ETV3L: variants seen among roughly 807,000 people sequenced by gnomAD.
ETV3L encodes ETS variant transcription factor 3 like.
ETV3L carries 30 observed loss-of-function variants against 27.6 expected under a neutral mutation model. The ratio of observed to expected loss-of-function variants is 1.09; its 90% CI spans 0.81 to 1.48. ETV3L has a LOEUF of 1.48. Ranked by LOEUF, ETV3L falls within the 40% of genes most tolerant of loss-of-function variation. The pLI, the probability that ETV3L is intolerant of heterozygous loss-of-function variation, is 0.00. For synonymous variants in ETV3L, 186 were observed against 188.9 expected, an observed-to-expected ratio of 0.98 and a Z score of 0.12; for missense variants, 443 against 455.6, an observed-to-expected ratio of 0.97 and a Z score of 0.25.
chr1:157,098,916 A>G (rs1423897820), intron 2 of ETV3L, 21 bp from the exon 3 acceptor site: 1 of 1,598,214 alleles, frequency 6.3e-7, no homozygotes, highest in Non-Finnish European at 8.5e-7. Flanking sequence ...CGAAGTTGAG[A>G]ATAGAGTTGG....
intron 4 of ETV3L, among the ~76,000 whole-genome samples, chr1:157,095,391 G>A (rs1674199666): frequency 6.6e-6 from 1 of 152,094 alleles, no homozygotes; most frequent in African/African-American, 2.4e-5. Flanking sequence ...GGGGCATGTG[G>A]CTGCTTCCAA....
rs1674306522 is a variant in ETV3L at position 157,099,757 on chromosome 1, C to T, written c.-234G>A. ...GGCAGCAAGCTTCCCCATACCCAGACAGGGCCCAGCCCCCTCTGGGGACCT... is the reference window on the plus strand; with the variant it reads ...GGCAGCAAGCTTCCCCATACCCAGATAGGGCCCAGCCCCCTCTGGGGACCT... On this transcript the variant is annotated 5_prime_UTR_variant, in exon 1 of 5. Transcript: ENST00000454449. 1 of 595,386 alleles carries T rather than the reference C, an allele frequency of 1.7e-6. No individual in the cohort carries two copies. Among genetic ancestry groups the T allele is most frequent in the African/African-American group, 1.9e-5 (1 of 53,768 alleles). 36.9% of individuals were successfully genotyped at this position (595,386 alleles called of 1,614,324 possible).
At chr1:157,095,882 C>T (rs1674209409) in intron 4 of ETV3L, among the ~76,000 whole-genome samples, 3 of 152,312 alleles carry the variant, frequency 2.0e-5, no homozygotes, top group Admixed American at 6.5e-5. Flanking sequence ...AGGGGCAATT[C>T]TTTGACCTCT....
rs746184380 is a variant in ETV3L, at chr1:157,092,865, T to C, written c.870A>G (p.Ala290=). Residue 290 remains alanine, a synonymous_variant, in exon 5 of 5, where the codon GCA becomes GCG. Transcript: ENST00000454449. ...TCTCACCCGCACCCTGTCCCAGCCC[T>C]GCCAAGAGAGGAAGCCCTGGAAAAT... The part of the protein sequence containing the change: ...AWHFPGLPLL[A]GLGQGAGERL... 5.0e-6 allele frequency: 8 copies of C among 1,613,902 alleles called. No homozygotes were observed. In the Admixed American group the frequency reaches 1.2e-4, roughly 24 times the overall value.
chr1:157,097,111 C>T (rs538670707), intron 4 of ETV3L, among the ~76,000 whole-genome samples: 2 of 151,964 alleles, frequency 1.3e-5, no homozygotes, highest in Non-Finnish European at 2.9e-5. Flanking sequence ...GCAAGACTTG[C>T]TCTCCAACAG....
intron 4 of ETV3L, among the ~76,000 whole-genome samples, chr1:157,094,645 G>A (rs1312968650): frequency 6.6e-6 from 1 of 152,216 alleles, no homozygotes; most frequent in African/African-American, 2.4e-5. Flanking sequence ...AGGTGTGGTG[G>A]CTCACGCTTG....
intron 4 of ETV3L, among the ~76,000 whole-genome samples, chr1:157,097,470 CA>C (rs150226645): frequency 0.41 from 42,192 of 102,060 alleles, 6,545 homozygotes; most frequent in South Asian, 0.53. Flanking sequence ...GACTCCGTCT[CA>C]AAAAAAAAAA....
At chr1:157,095,547 C>CT (rs111798352) in intron 4 of ETV3L, among the ~76,000 whole-genome samples, 10,695 of 143,284 alleles carry the variant, frequency 0.075, 573 homozygotes, top group East Asian at 0.24. Flanking sequence ...TTCTTTCTTT[C>CT]TTTCTTTTTT....
intron 4 of ETV3L, 84 bp from the exon 5 acceptor site, chr1:157,093,211 G>A: frequency 2.0e-6 from 2 of 991,524 alleles, no homozygotes; most frequent in Non-Finnish European, 2.8e-6. Context: ...AGCCCTTCTT[G>A]TTTCTTGCTT....
rs763762019 is a variant in ETV3L at position 157,097,890 on chromosome 1, C to A, written c.585G>T (p.Lys195Asn). 1.9e-6 allele frequency: 3 copies of A among 1,613,258 alleles called. No homozygotes were observed. The highest frequency in any genetic ancestry group is 2.5e-6 in the Non-Finnish European group (3 of 1,179,754). Residue 195 changes from lysine (K) to asparagine (N), a missense_variant, in exon 4 of 5, where the codon AAG (lysine) becomes AAT (asparagine). Coordinates refer to ENST00000454449, the MANE Select transcript of ETV3L (RefSeq NM_001004341.2). Reference sequence around the variant, plus strand: ...CACGGTAGACGCTGCTGCTGCTCCCCTTCTTATCCCCAGAGGTCTCTGGTG... The same window carrying A: ...CACGGTAGACGCTGCTGCTGCTCCCATTCTTATCCCCAGAGGTCTCTGGTG... ...RGPPETSGDK[K>N]GSSSSVYRLG...
Position 157,099,307 on chromosome 1 carries a change from A to T in ETV3L, c.130T>A (p.Phe44Ile). 6.2e-7 allele frequency: 1 copy of T among 1,614,180 alleles called. No individual in the cohort carries two copies. The highest frequency in any genetic ancestry group is 8.5e-7 in the Non-Finnish European group (1 of 1,180,042). ...TCCTTCTGCAGCAGCTCCAGGATGA[A>T]GTGCCACAGCTGGATCTGCCGGGAG... is the stretch of plus-strand genomic sequence containing the variant. Reference protein sequence around the residue: ...PGSRQIQLWHFILELLQKEEF... With the variant: ...PGSRQIQLWHIILELLQKEEF... Residue 44 changes from phenylalanine to isoleucine, a missense_variant, in exon 2 of 5, where the codon TTC becomes ATC. By Grantham distance (21) the Phe-to-Ile change is conservative. Coordinates refer to ENST00000454449, the MANE Select transcript of ETV3L (RefSeq NM_001004341.2).
At position 157,098,704 on chromosome 1, in the gene ETV3L, A is replaced by C. The variant is rs1202062394; in HGVS notation, c.486+2T>G. On this transcript the variant is annotated splice_donor_variant, in intron 3 of 4. Transcript: ENST00000454449. LOFTEE classifies it high-confidence loss of function. ...TGAGACAGGGGCCACCTCCGCTCTT[A>C]CCTCACTCTGCACACCCACGGGCAC... The C allele has an allele frequency of 6.3e-7, 1 of 1,589,204 alleles. No homozygotes were observed. Among genetic ancestry groups the C allele is most frequent in the Non-Finnish European group, 8.6e-7 (1 of 1,168,120 alleles).
At position 157,092,831 on chromosome 1, in the gene ETV3L, GC is replaced by G; in HGVS notation, c.903del (p.Trp301CysfsTer12). 6.2e-7 allele frequency: 1 copy of G among 1,614,156 alleles called. No homozygotes were observed. The highest frequency in any genetic ancestry group is 8.5e-7 in the Non-Finnish European group (1 of 1,179,994). ...GLGQGAGERL[W>X]LLSLRPEGLE... is the part of the protein sequence containing the mutation. Reference sequence around the variant, plus strand: ...AGCCCCTCGGGCCTGAGGGACAAGAGCCAAAGCCTCTCACCCGCACCCTGTC... The same window carrying G: ...AGCCCCTCGGGCCTGAGGGACAAGAGCAAAGCCTCTCACCCGCACCCTGTC... On this transcript the variant is annotated frameshift_variant, in exon 5 of 5. Transcript: ENST00000454449. LOFTEE classifies it low-confidence loss of function (END_TRUNC).
intron 4 of ETV3L, among the ~76,000 whole-genome samples, chr1:157,094,165 G>T (rs1242460986): frequency 1.3e-5 from 2 of 152,258 alleles, no homozygotes; most frequent in African/African-American, 4.8e-5. Context: ...GCCGGGCAAA[G>T]AACTGGTTGT....
chr1:157,098,992 A>C, intron 2 of ETV3L, 97 bp from the exon 3 acceptor site: 8 of 1,491,762 alleles, frequency 5.4e-6, no homozygotes, highest in Non-Finnish European at 7.3e-6. Flanking sequence ...GCTGACCCTA[A>C]GCTGTTCCCC....
intron 4 of ETV3L, 45 bp from the exon 5 acceptor site, chr1:157,093,172 G>C (rs1441526497): frequency 1.5e-6 from 2 of 1,323,798 alleles, no homozygotes; most frequent in Non-Finnish European, 2.0e-6. Context: ...CCAACCTCTC[G>C]CAGATGCTCC....
rs61736987 is a variant in ETV3L, at chr1:157,097,868, G to T, written c.607C>A (p.Arg203=). ...DKKGSSSSVY[R]LGSAPGPCRL... is the part of the protein sequence containing the mutation. ...GGCCCTCCCAGCCTTGAGCACTCACGGTAGACGCTGCTGCTGCTCCCCTTC... is the reference window on the plus strand; with the variant it reads ...GGCCCTCCCAGCCTTGAGCACTCACTGTAGACGCTGCTGCTGCTCCCCTTC... Residue 203 remains arginine, a splice_region_variant and synonymous_variant, in exon 4 of 5, where the codon CGA becomes AGA. Coordinates refer to ENST00000454449, the MANE Select transcript of ETV3L (RefSeq NM_001004341.2). The T allele has an allele frequency of 6.2e-7, 1 of 1,612,058 alleles. No homozygotes were observed. The highest frequency in any genetic ancestry group is 1.1e-5 in the South Asian group (1 of 90,962).
chr1:157,098,511 C>A (rs1354992527), intron 3 of ETV3L, among the ~76,000 whole-genome samples, 195 bp downstream of exon 3: 1 of 152,176 alleles, frequency 6.6e-6, no homozygotes, highest in Non-Finnish European at 1.5e-5. Context: ...AGGAGCCACC[C>A]TTTCTCACAG....
intron 4 of ETV3L, among the ~76,000 whole-genome samples, chr1:157,097,197 G>T (rs1470761658): frequency 1.3e-5 from 2 of 151,966 alleles, no homozygotes; most frequent in African/African-American, 4.8e-5. Flanking sequence ...TTCTGACTGG[G>T]TGTGGTGTCT....
Sources: gnomAD v4.1 joint callset for allele counts (sites outside exome capture counted in the v4.1 genomes callset) on GRCh38, gnomAD v4.1.1 for gene constraint, MANE v1.5 for transcripts, NCBI Gene and HGNC (gene_info 2026-07-23, HGNC 2026-07-21) for gene names.